Variants in LIN7A observed in about 807,000 individuals in gnomAD.
LIN7A encodes the protein protein lin-7 homolog A.
Under a neutral mutation model 29.8 loss-of-function variants are expected in LIN7A, and 25 were observed. The observed-to-expected ratio is 0.84, with a 90% CI of 0.61 to 1.17. The LOEUF (loss-of-function observed/expected upper bound fraction) is 1.17, where lower values mean the gene tolerates loss of function less well. Among genes scored for constraint, LIN7A ranks in the 50% most tolerant of loss-of-function variants. The pLI, the probability that LIN7A is intolerant of heterozygous loss-of-function variation, is 0.00. For missense variants in LIN7A, 239 were observed against 287.0 expected (o/e 0.83, Z 1.21); for synonymous variants, 118 against 107.5 (o/e 1.10, Z -0.60).
chr12:80,876,930 T>A (rs546226834), intron 2 of LIN7A, among the ~76,000 whole-genome samples: 26 of 152,106 alleles, frequency 1.7e-4, no homozygotes, highest in African/African-American at 6.3e-4. Context: ...GAGACTACCC[T>A]GGCCAACATG....
At chr12:80,884,016 T>C (rs759473902) in intron 2 of LIN7A, among the ~76,000 whole-genome samples, 1 of 152,074 alleles carries the variant, frequency 6.6e-6, no homozygotes, top group Non-Finnish European at 1.5e-5. Context: ...TTTAAGTTCA[T>C]AAGACAAAAA....
chr12:80,919,646 G>A (rs560279154), intron 1 of LIN7A, among the ~76,000 whole-genome samples: 2 of 152,264 alleles, frequency 1.3e-5, no homozygotes, highest in East Asian at 1.9e-4. Flanking sequence ...GGAAAGAGAG[G>A]GCAGGAAACA....
chr12:80,850,276 C>T (rs1205059780), intron 2 of LIN7A, among the ~76,000 whole-genome samples: 2 of 152,092 alleles, frequency 1.3e-5, no homozygotes, highest in African/African-American at 4.8e-5. Context: ...TCCTCAATTT[C>T]CTCATTTTAA....
At chr12:80,872,750 G>A (rs1312379497) in intron 2 of LIN7A, among the ~76,000 whole-genome samples, 5 of 152,048 alleles carry the variant, frequency 3.3e-5, no homozygotes, top group South Asian at 2.1e-4. Flanking sequence ...CTCAACATGC[G>A]GCAGTAGTTG....
chr12:80,854,687 G>A (rs1479535316), intron 2 of LIN7A, among the ~76,000 whole-genome samples: 3 of 151,898 alleles, frequency 2.0e-5, no homozygotes, highest in Non-Finnish European at 1.5e-5. Flanking sequence ...ATGATTACAT[G>A]ATTGTATGTG....
In LIN7A at chr12:80,793,213, C is replaced by T. The variant is rs1343268791; in HGVS notation, c.*4514G>A. The T allele has an allele frequency of 2.0e-5, 3 of 152,126 alleles. No homozygotes were observed. Among genetic ancestry groups the T allele is most frequent in the Admixed American group, 1.3e-4 (2 of 15,266 alleles). The allele number at this position is 152,126 out of a possible 1,614,324, so 9.4% of individuals were successfully genotyped here. Reference sequence around the variant, plus strand: ...CAGTTTTTGTATCTATAAAATGGAACCTACTGAATAGAGTTGTTGAAGGGA... The same window carrying T: ...CAGTTTTTGTATCTATAAAATGGAATCTACTGAATAGAGTTGTTGAAGGGA... On this transcript the variant is annotated 3_prime_UTR_variant, in exon 6 of 6. Transcript: ENST00000552864.
At chr12:80,829,731 T>A (rs1872253640) in intron 4 of LIN7A, among the ~76,000 whole-genome samples, 1 of 152,190 alleles carries the variant, frequency 6.6e-6, no homozygotes, top group African/African-American at 2.4e-5. Flanking sequence ...TTGGTACAAT[T>A]ACTGTTGATC....
At chr12:80,934,372 G>A (rs1359351851) in intron 1 of LIN7A, among the ~76,000 whole-genome samples, 1 of 152,140 alleles carries the variant, frequency 6.6e-6, no homozygotes, top group Non-Finnish European at 1.5e-5. Flanking sequence ...GACCTTTACA[G>A]GGTTGATCTC....
intron 1 of LIN7A, among the ~76,000 whole-genome samples, chr12:80,889,781 A>G (rs1875531505): frequency 6.6e-6 from 1 of 152,122 alleles, no homozygotes; most frequent in Non-Finnish European, 1.5e-5. Context: ...ATGTATTACT[A>G]TGATTAATGG....
intron 1 of LIN7A, among the ~76,000 whole-genome samples, chr12:80,906,933 C>A (rs773641620): frequency 6.6e-6 from 1 of 152,156 alleles, no homozygotes; most frequent in Non-Finnish European, 1.5e-5. Flanking sequence ...AAAGATCAGA[C>A]TTCCTGGCTC....
At chr12:80,879,074 T>C (rs981218560) in intron 2 of LIN7A, among the ~76,000 whole-genome samples, 2 of 152,214 alleles carry the variant, frequency 1.3e-5, no homozygotes, top group Non-Finnish European at 2.9e-5. Flanking sequence ...TCTCACACAG[T>C]TACATATTCC....
intron 2 of LIN7A, among the ~76,000 whole-genome samples, chr12:80,879,832 C>T (rs1055686459): frequency 1.3e-5 from 2 of 152,060 alleles, no homozygotes; most frequent in African/African-American, 4.8e-5. Context: ...CCCTATCAGT[C>T]GGAGCAGAGC....
chr12:80,837,011 T>C (rs1193221316), intron 4 of LIN7A, among the ~76,000 whole-genome samples: 1 of 151,998 alleles, frequency 6.6e-6, no homozygotes, highest in Non-Finnish European at 1.5e-5. Flanking sequence ...TGAATGGCTT[T>C]ATTGATTGGA....
At chr12:80,815,258 T>G (rs535440591) in intron 4 of LIN7A, among the ~76,000 whole-genome samples, 5 of 152,344 alleles carry the variant, frequency 3.3e-5, no homozygotes, top group African/African-American at 1.2e-4. Context: ...GGCAGTTTTC[T>G]CTTCTTCTTT....
At chr12:80,805,327 A>C (rs376583275) in intron 5 of LIN7A, among the ~76,000 whole-genome samples, 23 of 152,260 alleles carry the variant, frequency 1.5e-4, no homozygotes, top group African/African-American at 5.1e-4. Context: ...GGATTAGATC[A>C]TCAGGATCAT....
chr12:80,890,685 G>A (rs1003193955), intron 1 of LIN7A, among the ~76,000 whole-genome samples: 1 of 152,084 alleles, frequency 6.6e-6, no homozygotes, highest in Admixed American at 6.6e-5. Flanking sequence ...TTAAATCAAT[G>A]TGACACTGCC....
chr12:80,864,493 T>C (rs1315218585), intron 2 of LIN7A, among the ~76,000 whole-genome samples: 1 of 152,200 alleles, frequency 6.6e-6, no homozygotes, highest in East Asian at 1.9e-4. Flanking sequence ...TGTGTTTTCA[T>C]TAGGAACATT....
At chr12:80,824,266 G>T (rs1175301813) in intron 4 of LIN7A, among the ~76,000 whole-genome samples, 4 of 152,078 alleles carry the variant, frequency 2.6e-5, no homozygotes, top group African/African-American at 9.7e-5. Context: ...AAAACCTAGA[G>T]GAGATGGATA....
At chr12:80,927,155 CT>C (rs929026269) in intron 1 of LIN7A, among the ~76,000 whole-genome samples, 2,944 of 75,472 alleles carry the variant, frequency 0.039, 15 homozygotes, top group African/African-American at 0.1. Context: ...TTTTCTTTTT[CT>C]TTTTTTTTTT....
Sources: allele counts gnomAD v4.1 joint callset (sites outside exome capture counted in the v4.1 genomes callset), GRCh38; gene constraint gnomAD v4.1.1; transcripts MANE v1.5; gene names NCBI Gene and HGNC (gene_info 2026-07-23, HGNC 2026-07-21).